The following WFDC8 variants were observed in gnomAD, a reference collection of about 807,000 sequenced individuals.
WFDC8 encodes WAP four-disulfide core domain protein 8.
Under a neutral mutation model 27.0 loss-of-function variants are expected in WFDC8, and 24 were observed. The ratio of observed to expected loss-of-function variants is 0.89; its 90% CI spans 0.64 to 1.25. The LOEUF (loss-of-function observed/expected upper bound fraction) is 1.25, where lower values mean the gene tolerates loss of function less well. WFDC8 is among the 50% of genes most tolerant of loss of function. WFDC8 has a pLI of 0.00. For missense variants in WFDC8, 287 were observed against 295.9 expected (o/e 0.97, Z 0.22); for synonymous variants, 106 against 99.7 (o/e 1.06, Z -0.38).
chr20:45,561,739 C>CATGT (rs1568638042), intron 2 of WFDC8, among the ~76,000 whole-genome samples: 1 of 147,744 alleles, frequency 6.8e-6, no homozygotes, highest in African/African-American at 2.5e-5. Flanking sequence ...ATTAAACTTG[C>CATGT]GTGTGTGTGT....
intron 3 of WFDC8, among the ~76,000 whole-genome samples, chr20:45,557,940 C>T (rs1364326953): frequency 1.3e-5 from 2 of 152,102 alleles, no homozygotes; most frequent in Admixed American, 6.5e-5. Context: ...AAAAAATCTC[C>T]TAGAACATCT....
intron 4 of WFDC8, among the ~76,000 whole-genome samples, chr20:45,554,446 T>A (rs1980166658): frequency 6.6e-6 from 1 of 152,154 alleles, no homozygotes; most frequent in Admixed American, 6.5e-5. Context: ...TGTGGGTCAT[T>A]AGGACATAGG....
Position 45,555,878 on chromosome 20 carries a change from G to A in WFDC8, c.278-10C>T. ...GGTAGCATGCAGGGTTCTGAGGTCA[G>A]GAAGCAAGGAAAGAAGGATATGAAG... On this transcript the variant is annotated splice_polypyrimidine_tract_variant and intron_variant, in intron 3 of 5. Transcript: ENST00000289953. The A allele has an allele frequency of 1.2e-6, 2 of 1,612,386 alleles. No homozygotes were observed. The highest frequency in any genetic ancestry group is 1.1e-5 in the South Asian group (1 of 90,972).
intron 1 of WFDC8, among the ~76,000 whole-genome samples, chr20:45,565,800 T>C (rs1980656500): frequency 6.6e-6 from 1 of 152,174 alleles, no homozygotes; most frequent in Non-Finnish European, 1.5e-5. Flanking sequence ...AGACATTGAT[T>C]TGAATTGAAA....
intron 1 of WFDC8, chr20:45,568,107 GA>G: frequency 2.7e-5 from 10 of 374,170 alleles, no homozygotes; most frequent in East Asian, 7.0e-5. Context: ...GAGAACCCAA[GA>G]AAAATGGTCT....
chr20:45,562,850 A>G (rs1980520952), intron 1 of WFDC8, among the ~76,000 whole-genome samples: 1 of 152,074 alleles, frequency 6.6e-6, no homozygotes. Context: ...CATGATCCTT[A>G]TGTATTTTTT....
At chr20:45,557,633 G>T (rs1343855619) in intron 3 of WFDC8, among the ~76,000 whole-genome samples, 3 of 152,044 alleles carry the variant, frequency 2.0e-5, no homozygotes, top group Non-Finnish European at 4.4e-5. Context: ...AGGTTTCACT[G>T]TGTTGGTCAG....
chr20:45,555,847 C>T lies in WFDC8; in HGVS notation c.299G>A (p.Arg100Lys), dbSNP rs6104216. 1 of 1,613,886 alleles carries T rather than the reference C, an allele frequency of 6.2e-7. No individual in the cohort carries two copies. Among genetic ancestry groups the T allele is most frequent in the South Asian group, 1.1e-5 (1 of 91,060 alleles). The change falls in exon 4 of 6, where the codon AGG becomes AAG. Residue 100 changes from arginine to lysine, a missense_variant. Transcript: ENST00000289953. ...PFQEPCMLPV[R>K]HGNCNHEAQR... ...TGCCTCATGATTACAGTTTCCATGC[C>T]TCACAGGTAGCATGCAGGGTTCTGA...
At chr20:45,574,758 G>A (rs1032149722) in intron 1 of WFDC8, among the ~76,000 whole-genome samples, 28 of 152,122 alleles carry the variant, frequency 1.8e-4, no homozygotes, top group South Asian at 1.0e-3. Flanking sequence ...AGATCGTGCC[G>A]CTGCACTCTA....
intron 1 of WFDC8, among the ~76,000 whole-genome samples, chr20:45,572,243 A>G (rs1009346328): frequency 7.2e-5 from 11 of 151,970 alleles, no homozygotes; most frequent in African/African-American, 2.7e-4. Flanking sequence ...TAAAAATACA[A>G]AAAAGTAGCC....
intron 1 of WFDC8, among the ~76,000 whole-genome samples, chr20:45,565,204 C>T (rs762901119): frequency 5.3e-5 from 8 of 152,110 alleles, no homozygotes; most frequent in African/African-American, 1.2e-4. Context: ...TTGAAATCCA[C>T]GCTTCACCAT....
At chr20:45,579,089 T>C (rs974114445) in intron 1 of WFDC8, 133 bp downstream of exon 1, 4 of 825,538 alleles carry the variant, frequency 4.8e-6, no homozygotes, top group Non-Finnish European at 8.2e-6. Flanking sequence ...AGCTCTGTTC[T>C]GTGGAACCCC....
intron 3 of WFDC8, among the ~76,000 whole-genome samples, chr20:45,556,323 A>C (rs1980248965): frequency 6.6e-6 from 1 of 152,154 alleles, no homozygotes; most frequent in Admixed American, 6.5e-5. Context: ...CTAATGACTT[A>C]TTATTTGCTG....
chr20:45,578,110 C>T (rs1981109934), intron 1 of WFDC8, among the ~76,000 whole-genome samples: 1 of 151,254 alleles, frequency 6.6e-6, no homozygotes, highest in East Asian at 1.9e-4. Context: ...AAGTAGCCAG[C>T]TTCCCAGAAG....
chr20:45,561,521 C>T (rs1262275090), intron 2 of WFDC8, among the ~76,000 whole-genome samples: 4 of 152,122 alleles, frequency 2.6e-5, no homozygotes, highest in East Asian at 1.9e-4. Flanking sequence ...CCTTCCTCTC[C>T]GCCACCCCAG....
intron 1 of WFDC8, among the ~76,000 whole-genome samples, chr20:45,572,323 G>A (rs1001883252): frequency 6.6e-6 from 1 of 150,878 alleles, no homozygotes; most frequent in African/African-American, 2.4e-5. Context: ...CGTGAACCCA[G>A]GAGGTGGAGC....
intron 3 of WFDC8, among the ~76,000 whole-genome samples, chr20:45,556,210 T>G (rs996456317): frequency 6.6e-6 from 1 of 152,264 alleles, no homozygotes; most frequent in Non-Finnish European, 1.5e-5. Context: ...TTATGGTTTT[T>G]GCATTGTTAA....
In WFDC8 at chr20:45,579,198, C is replaced by T. The variant is rs1172280779; in HGVS notation, c.26+24G>A. The T allele has an allele frequency of 3.7e-6, 6 of 1,613,160 alleles. No homozygotes were observed. In the East Asian group the frequency reaches 8.9e-5, roughly 24 times the overall value. On this transcript the variant is annotated intron_variant, in intron 1 of 5. Transcript: ENST00000289953. ...CTCAGACCCTCCATGTCTGGCTACC[C>T]ACCCCCATAGACACCCTCCTCACCC...
At chr20:45,579,140 C>T in intron 1 of WFDC8, 82 bp downstream of exon 1, 1 of 1,437,616 alleles carries the variant, frequency 7.0e-7, no homozygotes, top group Non-Finnish European at 9.8e-7. Flanking sequence ...GCCGACCACT[C>T]TAACTTCTAT....
Sources: gnomAD v4.1 joint callset for allele counts (sites outside exome capture counted in the v4.1 genomes callset) on GRCh38, gnomAD v4.1.1 for gene constraint, MANE v1.5 for transcripts, NCBI Gene and HGNC (gene_info 2026-07-23, HGNC 2026-07-21) for gene names.